SDK1: variants seen among roughly 807,000 people sequenced by gnomAD.
SDK1 encodes the protein protein sidekick-1.
A neutral mutation model predicts 245.5 loss-of-function variants in SDK1; 157 were observed. The observed-to-expected ratio is 0.64, with a 90% CI of 0.56 to 0.73. The LOEUF (loss-of-function observed/expected upper bound fraction) is 0.73, where lower values mean the gene tolerates loss of function less well. SDK1 is among the 30% of genes least tolerant of loss of function. SDK1 has a pLI of 0.00. For missense variants in SDK1, 3,583 were observed against 3,002.3 expected (o/e 1.19, Z -4.52); for synonymous variants, 1,647 against 1,278.5 (o/e 1.29, Z -6.15).
chr7:3,439,866 T>G lies in SDK1; in HGVS notation c.298+137982T>G, dbSNP rs184056222. Among the ~76,000 whole-genome samples, 176 of 152,330 alleles carry G rather than the reference T, an allele frequency of 1.2e-3. 2 individuals are homozygous for G. The highest frequency in any genetic ancestry group is 4.0e-3 in the African/African-American group (168 of 41,576). ...CTTACTAGAGGGCACTGTGCTGTCC[T>G]CAGATGCCCTGAGGCAGGTCAGATT... On this transcript the variant is annotated intron_variant, in intron 1 of 44. Transcript: ENST00000404826.
chr7:3,716,322 A>G (rs547877434), intron 4 of SDK1, among the ~76,000 whole-genome samples: 2 of 152,278 alleles, frequency 1.3e-5, no homozygotes, highest in East Asian at 3.9e-4. Context: ...ATCACAATAG[A>G]CCCTAAGAAA....
intron 1 of SDK1, among the ~76,000 whole-genome samples, chr7:3,572,718 A>C (rs1024890017): frequency 2.0e-5 from 3 of 152,062 alleles, no homozygotes; most frequent in Non-Finnish European, 4.4e-5. Flanking sequence ...TAGAGGATTT[A>C]ACGGTGAGCT....
chr7:4,079,381 T>A, intron 21 of SDK1, 82 bp from the exon 22 acceptor site: 1 of 1,526,742 alleles, frequency 6.5e-7, no homozygotes, highest in African/African-American at 1.4e-5. Flanking sequence ...AACTGTTTAC[T>A]TTTGAAGCTG....
intron 38 of SDK1, among the ~76,000 whole-genome samples, chr7:4,212,359 C>G (rs981175559): frequency 1.3e-5 from 2 of 151,990 alleles, no homozygotes; most frequent in Non-Finnish European, 2.9e-5. Context: ...GAGCCCAATA[C>G]TTTTGTATCA....
In SDK1 at chr7:4,149,269, G is replaced by C; in HGVS notation, c.4431G>C (p.Pro1477=). Residue 1477 remains proline (P), a synonymous_variant, in exon 30 of 45, where the codon CCG becomes CCC. Transcript: ENST00000404826. The part of the protein sequence containing the change: ...TVITTEKRER[P]APPRELLVPQ... ...GTCCTCATTTGGTTGCAGAGCGGCC[G>C]GCACCCCCCAGAGAGCTCCTGGTGC... 1 of 1,522,362 alleles carries C rather than the reference G, an allele frequency of 6.6e-7. No individual in the cohort carries two copies. The highest frequency in any genetic ancestry group is 8.8e-7 in the Non-Finnish European group (1 of 1,135,340). The allele number at this position is 1,522,362 out of a possible 1,614,324, so 94.3% of individuals were successfully genotyped here.
At position 3,977,213 on chromosome 7, in the gene SDK1, G is replaced by A. The variant is rs13308322; in HGVS notation, c.1994+2668G>A. Among the ~76,000 whole-genome samples the A allele has an allele frequency of 1.9e-3, 45 of 23,132 alleles. 5 individuals are homozygous for A. The highest frequency in any genetic ancestry group is 0.015 in the African/African-American group (22 of 1,458). The allele number at this position is 23,132 out of a possible 152,430, so 15.2% of individuals were successfully genotyped here. A position where few individuals can be genotyped will look rare whatever the true frequency, so the allele number is the denominator to read the frequency against. On this transcript the variant is annotated intron_variant, in intron 13 of 44. Coordinates refer to ENST00000404826, the MANE Select transcript of SDK1 (RefSeq NM_152744.4). ...GGGGCTGAGGCTGCGAGGCTGCCAC[G>A]CAGAGGGTCCTCCAGAGAATCACTG...
chr7:4,088,041 T>C (rs1035472702), intron 22 of SDK1, among the ~76,000 whole-genome samples: 4 of 152,240 alleles, frequency 2.6e-5, no homozygotes, highest in African/African-American at 9.6e-5. Context: ...GGCTCTCTGG[T>C]GGCTGTTATA....
chr7:3,933,210 A>C (rs1780042947), intron 5 of SDK1, among the ~76,000 whole-genome samples: 1 of 144,076 alleles, frequency 6.9e-6, no homozygotes. Context: ...TCCTGGGCTC[A>C]AGTGATCCTC....
At chr7:3,436,534 A>G (rs1335929306) in intron 1 of SDK1, among the ~76,000 whole-genome samples, 1 of 152,186 alleles carries the variant, frequency 6.6e-6, no homozygotes, top group African/African-American at 2.4e-5. Context: ...TTTTTAATCA[A>G]TGAAGATTGA....
chr7:3,980,347 C>T (rs764303193), intron 13 of SDK1, among the ~76,000 whole-genome samples: 10 of 152,298 alleles, frequency 6.6e-5, no homozygotes, highest in South Asian at 2.1e-4. Context: ...CTGTGCCTGA[C>T]GGTGGTTTTC....
intron 4 of SDK1, among the ~76,000 whole-genome samples, chr7:3,661,563 G>T (rs1241953945): frequency 6.6e-6 from 1 of 151,970 alleles, no homozygotes; most frequent in South Asian, 2.1e-4. Flanking sequence ...AAGGAATTGT[G>T]GCTATCATTG....
At chr7:3,779,970 G>A (rs964432565) in intron 4 of SDK1, among the ~76,000 whole-genome samples, 1 of 150,796 alleles carries the variant, frequency 6.6e-6, no homozygotes, top group East Asian at 2.0e-4. Context: ...AAGATGATGA[G>A]CATGATGTCA....
rs953224319 is a variant in SDK1 at position 3,518,255 on chromosome 7, C to G, written c.299-100825C>G. Among the ~76,000 whole-genome samples the G allele has an allele frequency of 4.6e-5, 7 of 152,062 alleles. No individual in the cohort carries two copies. The South Asian group carries it at 6.2e-4, about 14-fold the overall frequency. On this transcript the variant is annotated intron_variant, in intron 1 of 44. Transcript: ENST00000404826. ...TGTATTAAAAATTTTAAAGCATGAG[C>G]CTTTTCTCTTCAGGACATTGATCTG...
chr7:4,252,038 G>A (rs1009943454), intron 44 of SDK1, among the ~76,000 whole-genome samples: 1 of 152,190 alleles, frequency 6.6e-6, no homozygotes, highest in Admixed American at 6.5e-5. Flanking sequence ...AATGCCCATT[G>A]TTCATAGTGT....
chr7:3,581,115 T>A (rs1397225221), intron 1 of SDK1, among the ~76,000 whole-genome samples: 1 of 151,910 alleles, frequency 6.6e-6, no homozygotes, highest in Non-Finnish European at 1.5e-5. Context: ...ACAAATGGGA[T>A]CTAATTAAAC....
At chr7:4,197,573 C>A (rs1415935526) in intron 35 of SDK1, among the ~76,000 whole-genome samples, 1 of 152,198 alleles carries the variant, frequency 6.6e-6, no homozygotes, top group Non-Finnish European at 1.5e-5. Context: ...GCCAGCCGGG[C>A]TGGGCTCGTG....
rs139072160 is a variant in SDK1 at position 3,615,708 on chromosome 7, A to G, written c.299-3372A>G. ...TCTCCCTCACATCCATAACCAATCT[A>G]TCACTGAATCTTTTTCCCACCTAAC... On this transcript the variant is annotated intron_variant, in intron 1 of 44. Coordinates refer to ENST00000404826, the MANE Select transcript of SDK1 (RefSeq NM_152744.4). Among the ~76,000 whole-genome samples, 3 of 151,688 alleles carry G rather than the reference A, an allele frequency of 2.0e-5. No homozygotes were observed. In the East Asian group the frequency reaches 5.8e-4, roughly 29 times the overall value.
chr7:3,757,811 C>T (rs1285763132), intron 4 of SDK1, among the ~76,000 whole-genome samples: 1 of 152,110 alleles, frequency 6.6e-6, no homozygotes, highest in Non-Finnish European at 1.5e-5. Context: ...AACCTTCAGG[C>T]CCCCTCCCCT....
chr7:3,967,556 A>G, intron 10 of SDK1, 122 bp downstream of exon 10: 1 of 682,910 alleles, frequency 1.5e-6, no homozygotes, highest in South Asian at 1.8e-5. Context: ...TGAAGATTAA[A>G]TAACTCTTAT....
Sources: gnomAD v4.1 joint callset for allele counts (sites outside exome capture counted in the v4.1 genomes callset) on GRCh38, gnomAD v4.1.1 for gene constraint, MANE v1.5 for transcripts, NCBI Gene and HGNC (gene_info 2026-07-23, HGNC 2026-07-21) for gene names.